Variants in B4GALNT3 observed in about 807,000 individuals in gnomAD.
B4GALNT3 encodes the protein beta-1,4-N-acetylgalactosaminyltransferase 3.
Under a neutral mutation model 120.2 loss-of-function variants are expected in B4GALNT3, and 86 were observed. That is an observed-to-expected ratio of 0.72 (90% CI 0.60 to 0.86). The LOEUF (loss-of-function observed/expected upper bound fraction) is 0.86. B4GALNT3 is among the 40% of genes least tolerant of loss of function. The probability of loss-of-function intolerance (pLI) is 0.00; values close to 1 mark genes in which losing one functional copy is unlikely to be tolerated. For synonymous variants in B4GALNT3, 518 were observed against 510.4 expected, an observed-to-expected ratio of 1.01 and a Z score of -0.20; for missense variants, 1,167 against 1,298.9, an observed-to-expected ratio of 0.90 and a Z score of 1.56.
chr12:558,436 C>T (rs2120746164), intron 17 of B4GALNT3, 72 bp from the exon 18 acceptor site: 1 of 1,454,038 alleles, frequency 6.9e-7, no homozygotes, highest in Admixed American at 1.8e-5. Flanking sequence ...TCCGAGGCTT[C>T]TCCTAGACGG....
Position 549,583 on chromosome 12 carries a change from C to T in B4GALNT3, c.854-186C>T, listed in dbSNP as rs192298986. Among the ~76,000 whole-genome samples, 4 of 152,338 alleles carry T rather than the reference C, an allele frequency of 2.6e-5. No homozygotes were observed. The East Asian group carries it at 5.8e-4, about 22-fold the overall frequency. On this transcript the variant is annotated intron_variant, in intron 9 of 19. Coordinates refer to ENST00000266383, the MANE Select transcript of B4GALNT3 (RefSeq NM_173593.4). The stretch of plus-strand genomic sequence containing the variant: ...CAGCCGTGGGGCTGGCAGAGGGGGC[C>T]GAAGGCAGATGAATCGTGAAGCCAC...
At chr12:525,085 A>G (rs1592041188) in intron 1 of B4GALNT3, among the ~76,000 whole-genome samples, 2 of 94,856 alleles carry the variant, frequency 2.1e-5, no homozygotes, top group Admixed American at 1.2e-4. Context: ...AAATAACACA[A>G]TTTTATTTAT....
intron 18 of B4GALNT3, among the ~76,000 whole-genome samples, chr12:558,865 G>T (rs1947191285): frequency 6.6e-6 from 1 of 151,790 alleles, no homozygotes; most frequent in African/African-American, 2.4e-5. Context: ...AGGTGCAGCA[G>T]TGCACACCTC....
At chr12:549,708 G>T in intron 9 of B4GALNT3, 61 bp from the exon 10 acceptor site, 4 of 1,602,606 alleles carry the variant, frequency 2.5e-6, no homozygotes, top group Non-Finnish European at 3.4e-6. Flanking sequence ...CCCTTCAAGG[G>T]CAGTGGGCTG....
chr12:478,241 C>T (rs1946202425), intron 1 of B4GALNT3, among the ~76,000 whole-genome samples: 1 of 122,594 alleles, frequency 8.2e-6, no homozygotes, highest in Non-Finnish European at 1.6e-5. Flanking sequence ...CAGAGTGACA[C>T]TCTGTCTTTA....
chr12:511,614 T>TCCGC (rs1270190099), intron 1 of B4GALNT3, among the ~76,000 whole-genome samples: 1 of 66,562 alleles, frequency 1.5e-5, no homozygotes, highest in African/African-American at 4.6e-5. Flanking sequence ...CCTTCGACCT[T>TCCGC]CTTCCACCTT....
chr12:472,506 T>C (rs1343037358), intron 1 of B4GALNT3, among the ~76,000 whole-genome samples: 3 of 152,136 alleles, frequency 2.0e-5, no homozygotes, highest in East Asian at 3.9e-4. Context: ...TGGTGCATCT[T>C]GGCTCACTGC....
In B4GALNT3 at chr12:562,222, C is replaced by G. The variant is rs1947239047; in HGVS notation, c.*771C>G. 6.6e-6 allele frequency: 1 copy of G among 152,264 alleles called. No individual in the cohort carries two copies. Among genetic ancestry groups the G allele is most frequent in the African/African-American group, 2.4e-5 (1 of 41,444 alleles). The allele number at this position is 152,264 out of a possible 1,614,324, so 9.4% of individuals were successfully genotyped here. A position where few individuals can be genotyped will look rare whatever the true frequency, so the allele number is the denominator to read the frequency against. ...CACTCCCTGGCACTGGACATTGAGG[C>G]CTGCAGAACAGGCAGGGTGATGAAG... On this transcript the variant is annotated 3_prime_UTR_variant, in exon 20 of 20. Coordinates refer to ENST00000266383, the MANE Select transcript of B4GALNT3 (RefSeq NM_173593.4). This position sits in a 1 kb window ranked among gnomAD's most constrained non-coding sequence, Gnocchi z 5.2.
chr12:527,535 C>T (rs990022902), intron 1 of B4GALNT3, among the ~76,000 whole-genome samples: 10 of 152,230 alleles, frequency 6.6e-5, no homozygotes, highest in Non-Finnish European at 1.2e-4. Flanking sequence ...TCAGCAGGCT[C>T]AGGGTAGCGT....
intron 1 of B4GALNT3, among the ~76,000 whole-genome samples, chr12:515,952 G>A (rs1056624072): frequency 7.9e-5 from 12 of 151,660 alleles, no homozygotes; most frequent in African/African-American, 2.4e-4. Context: ...CCTGGCTAAC[G>A]TGGTGAAACC....
chr12:500,652 C>T (rs1467653467), intron 1 of B4GALNT3, among the ~76,000 whole-genome samples: 1 of 152,018 alleles, frequency 6.6e-6, no homozygotes, highest in Non-Finnish European at 1.5e-5. Flanking sequence ...TAGCTACTGC[C>T]CTGAATCCCG....
rs368954077 is a variant in B4GALNT3 at position 556,689 on chromosome 12, C to A, written c.2203C>A (p.Gln735Lys). The change falls in exon 15 of 20, where the codon CAG becomes AAG. Residue 735 changes from glutamine to lysine, a missense_variant. This residue lies in a region of B4GALNT3 where 983 missense variants were observed against 1,102.5 expected (regional missense o/e 0.89). Transcript: ENST00000266383. ...GGAGTATGTGTCTGCACGAGGCTGG[C>A]AGGGCATCGATCCAGCTGGTGGGGA... ...LSEYVSARGW[Q>K]GIDPAGGEEV... is the part of the protein sequence containing the mutation. 6.2e-7 allele frequency: 1 copy of A among 1,613,944 alleles called. No individual in the cohort carries two copies. The highest frequency in any genetic ancestry group is 1.1e-5 in the South Asian group (1 of 91,074).
chr12:460,376 C>T lies in B4GALNT3; in HGVS notation c.-1C>T, dbSNP rs1946007776. 3.5e-6 allele frequency: 5 copies of T among 1,415,616 alleles called. No individual in the cohort carries two copies. Among genetic ancestry groups the T allele is most frequent in the Non-Finnish European group, 4.6e-6 (5 of 1,082,694 alleles). The allele number at this position is 1,415,616 out of a possible 1,614,324, so 87.7% of individuals were successfully genotyped here. On this transcript the variant is annotated 5_prime_UTR_variant, in exon 1 of 20. Coordinates refer to ENST00000266383, the MANE Select transcript of B4GALNT3 (RefSeq NM_173593.4). The surrounding 1 kb of genome is among the most constrained non-coding windows in gnomAD (Gnocchi z 8.0). ...GGCGGCGGCCGCCTCGGCGCAGCGC[C>T]ATGGGGAGCCCCCGGGCCGCGCGGC...
At chr12:558,737 C>T in intron 18 of B4GALNT3, 76 bp downstream of exon 18, 3 of 1,493,668 alleles carry the variant, frequency 2.0e-6, no homozygotes, top group Non-Finnish European at 1.8e-6. Flanking sequence ...TGGGAACAGT[C>T]ATATCTATGA....
intron 1 of B4GALNT3, among the ~76,000 whole-genome samples, chr12:494,980 A>C (rs1946375490): frequency 6.6e-6 from 1 of 152,176 alleles, no homozygotes; most frequent in Admixed American, 6.6e-5. Context: ...GGAGGCCTGG[A>C]GTTCTTGTTC....
At chr12:525,254 A>G (rs1220809924) in intron 1 of B4GALNT3, among the ~76,000 whole-genome samples, 5 of 152,020 alleles carry the variant, frequency 3.3e-5, no homozygotes, top group South Asian at 2.1e-4. Flanking sequence ...GATTACAGGT[A>G]AGCACCACCA....
At chr12:555,231 A>T (rs1031575035) in intron 14 of B4GALNT3, 1 of 387,420 alleles carries the variant, frequency 2.6e-6, no homozygotes, top group African/African-American at 2.1e-5. Flanking sequence ...GTTAGTGGTT[A>T]CTTCCCATTC....
At chr12:519,615 C>T (rs574464965) in intron 1 of B4GALNT3, among the ~76,000 whole-genome samples, 5 of 89,804 alleles carry the variant, frequency 5.6e-5, no homozygotes, top group Admixed American at 1.2e-4. Context: ...TTTTTTTTTC[C>T]GGTAAGGATC....
intron 19 of B4GALNT3, among the ~76,000 whole-genome samples, chr12:561,017 T>A (rs964857989): frequency 6.6e-6 from 1 of 152,230 alleles, no homozygotes; most frequent in Non-Finnish European, 1.5e-5. Context: ...ATCCTTCTCG[T>A]CTTCCCCACC....
Sources: allele counts gnomAD v4.1 joint callset (sites outside exome capture counted in the v4.1 genomes callset), GRCh38; gene constraint gnomAD v4.1.1; regional missense constraint gnomAD v4.1.1; non-coding constraint Gnocchi (gnomAD v3.1); transcripts MANE v1.5; gene names NCBI Gene and HGNC (gene_info 2026-07-23, HGNC 2026-07-21).